The following PPFIA2 variants were observed in gnomAD, a reference collection of about 807,000 sequenced individuals.
The protein encoded by PPFIA2 is PPFI scaffold protein A2, also known as liprin-alpha-2.
PPFIA2 carries 46 observed loss-of-function variants against 175.5 expected under a neutral mutation model. That is an observed-to-expected ratio of 0.26 (90% CI 0.21 to 0.34). The LOEUF (loss-of-function observed/expected upper bound fraction) is 0.34, where lower values mean the gene tolerates loss of function less well. Ranked by LOEUF, PPFIA2 falls within the 10% of genes least tolerant of loss-of-function variation. PPFIA2 has a pLI of 1.00. For missense variants in PPFIA2, 1,179 were observed against 1,506.1 expected, an observed-to-expected ratio of 0.78 and a Z score of 3.60; for synonymous variants, 568 against 511.4, an observed-to-expected ratio of 1.11 and a Z score of -1.49.
chr12:81,523,617 T>C (rs946336929), intron 4 of PPFIA2, among the ~76,000 whole-genome samples: 2 of 152,160 alleles, frequency 1.3e-5, no homozygotes, highest in African/African-American at 4.8e-5. Flanking sequence ...AACCCTCTAA[T>C]AAAATCTTCA....
At chr12:81,512,739 T>C (rs898957449) in intron 4 of PPFIA2, among the ~76,000 whole-genome samples, 3 of 152,046 alleles carry the variant, frequency 2.0e-5, no homozygotes, top group South Asian at 2.1e-4. Flanking sequence ...TTCTTATGCT[T>C]TTACAGCCTC....
At chr12:81,731,117 T>C (rs934165305) in intron 3 of PPFIA2, among the ~76,000 whole-genome samples, 2 of 151,652 alleles carry the variant, frequency 1.3e-5, no homozygotes, top group Non-Finnish European at 3.0e-5. Context: ...CAAGGCTCAG[T>C]TGAAACTCAC....
At chr12:81,669,372 G>A (rs112188752) in intron 4 of PPFIA2, among the ~76,000 whole-genome samples, 2 of 151,812 alleles carry the variant, frequency 1.3e-5, no homozygotes, top group Non-Finnish European at 2.9e-5. Context: ...CATGTAAATC[G>A]TGTGCTCATT....
At chr12:81,732,947 A>G (rs1001715757) in intron 3 of PPFIA2, among the ~76,000 whole-genome samples, 14 of 151,586 alleles carry the variant, frequency 9.2e-5, no homozygotes, top group African/African-American at 3.4e-4. Flanking sequence ...TTCAAAGTAG[A>G]AAATCACCAA....
At chr12:81,738,338 A>G (rs1351996931) in intron 3 of PPFIA2, among the ~76,000 whole-genome samples, 1 of 151,996 alleles carries the variant, frequency 6.6e-6, no homozygotes, top group Admixed American at 6.6e-5. Flanking sequence ...TCATCTGCAG[A>G]CGTACAGTAA....
At chr12:81,444,863 T>C (rs1223740782) in intron 6 of PPFIA2, among the ~76,000 whole-genome samples, 1 of 152,124 alleles carries the variant, frequency 6.6e-6, no homozygotes, top group Admixed American at 6.6e-5. Flanking sequence ...GTCTTTGAAA[T>C]TTCACGAAAT....
At chr12:81,709,532 A>G (rs1317453927) in intron 3 of PPFIA2, among the ~76,000 whole-genome samples, 6 of 152,018 alleles carry the variant, frequency 3.9e-5, no homozygotes. Context: ...ATACACACAC[A>G]CATAGACTCA....
Position 81,509,829 on chromosome 12 carries a change from C to T in PPFIA2, c.304-51963G>A, listed in dbSNP as rs183814629. Among the ~76,000 whole-genome samples the T allele has an allele frequency of 3.3e-5, 5 of 152,226 alleles. No individual in the cohort carries two copies. The East Asian group carries it at 9.7e-4, about 29-fold the overall frequency. Reference sequence around the variant, plus strand: ...CTCCTTTTTCCCTGAATACAAAGGACTCAGCATCATTTTGGTGAGAACTCA... The same window carrying T: ...CTCCTTTTTCCCTGAATACAAAGGATTCAGCATCATTTTGGTGAGAACTCA... On this transcript the variant is annotated intron_variant, in intron 4 of 32. Coordinates refer to ENST00000549396, the MANE Select transcript of PPFIA2 (RefSeq NM_003625.5).
chr12:81,579,913 T>C (rs1451058575), intron 4 of PPFIA2, among the ~76,000 whole-genome samples: 1 of 151,846 alleles, frequency 6.6e-6, no homozygotes, highest in Admixed American at 6.6e-5. Context: ...GGAGGTAGTC[T>C]TGGTAGTCTG....
chr12:81,347,874 ATTC>A (rs1170474629), intron 17 of PPFIA2, 104 bp from the exon 18 acceptor site: 1 of 1,421,698 alleles, frequency 7.0e-7, no homozygotes, highest in East Asian at 2.6e-5. Context: ...AGTAGAAACT[ATTC>A]TTGAACATTT....
intron 4 of PPFIA2, among the ~76,000 whole-genome samples, chr12:81,631,851 G>A (rs527469848): frequency 1.3e-5 from 2 of 152,272 alleles, no homozygotes; most frequent in African/African-American, 4.8e-5. Flanking sequence ...GGTTAGTAAT[G>A]TGTGATGTAG....
At chr12:81,401,387 C>T (rs1328546422) in intron 8 of PPFIA2, among the ~76,000 whole-genome samples, 2 of 152,160 alleles carry the variant, frequency 1.3e-5, no homozygotes, top group South Asian at 2.1e-4. Flanking sequence ...AACTCAGAGT[C>T]AGCGGTGTTA....
At position 81,281,449 on chromosome 12, in the gene PPFIA2, C is replaced by A; in HGVS notation, c.3020G>T (p.Cys1007Phe). Reference protein sequence around the residue: ...KESEEGSWAQCPVFLQTLAYG... With the variant: ...KESEEGSWAQFPVFLQTLAYG... ...AGCCAGGGTCTGTAGAAAAACCGGA[C>A]ACTAGAATTGTTTTATAGCAGTCAA... Residue 1007 changes from cysteine to phenylalanine, a missense_variant and splice_region_variant, in exon 27 of 33, where the codon TGT (cysteine) becomes TTT (phenylalanine). Physicochemically the swap from Cys to Phe is radical, Grantham distance 205 (BLOSUM62 -2). This residue lies in a region of PPFIA2 where 245 missense variants were observed against 375.1 expected (regional missense o/e 0.65). Transcript: ENST00000549396. 1 of 1,594,784 alleles carries A rather than the reference C, an allele frequency of 6.3e-7. No individual in the cohort carries two copies. Among genetic ancestry groups the A allele is most frequent in the Non-Finnish European group, 8.6e-7 (1 of 1,167,222 alleles).
chr12:81,280,733 A>G (rs557105487), intron 27 of PPFIA2, among the ~76,000 whole-genome samples: 3 of 152,280 alleles, frequency 2.0e-5, no homozygotes, highest in East Asian at 3.9e-4. Context: ...TATCTAACAC[A>G]GTATTGTTTT....
chr12:81,461,953 A>G (rs1297137010), intron 4 of PPFIA2, among the ~76,000 whole-genome samples: 2 of 152,000 alleles, frequency 1.3e-5, no homozygotes, highest in East Asian at 3.9e-4. Context: ...CAAGGTTGTT[A>G]GAGTATTTTT....
intron 4 of PPFIA2, among the ~76,000 whole-genome samples, chr12:81,648,913 C>T (rs947612063): frequency 6.6e-6 from 1 of 151,330 alleles, no homozygotes; most frequent in Non-Finnish European, 1.5e-5. Flanking sequence ...AGAAATATAA[C>T]TAGAACAATT....
chr12:81,638,682 CTTTT>C (rs869311003), intron 4 of PPFIA2, among the ~76,000 whole-genome samples: 105 of 72,690 alleles, frequency 1.4e-3, no homozygotes, highest in Admixed American at 1.4e-3. Context: ...CATAAATTTT[CTTTT>C]TTTTTTTTTT....
At chr12:81,340,846 T>G (rs1370110398) in intron 20 of PPFIA2, among the ~76,000 whole-genome samples, 2 of 152,102 alleles carry the variant, frequency 1.3e-5, no homozygotes, top group Non-Finnish European at 2.9e-5. Flanking sequence ...AGAGTTATTC[T>G]TATCTATATT....
chr12:81,284,222 C>CA lies in PPFIA2; in HGVS notation c.2988+18dup. The CA allele has an allele frequency of 6.5e-7, 1 of 1,544,308 alleles. No homozygotes were observed. ...CAAAGTCACTTTCCTTCAGGTTCAA[C>CA]AAAGCCATTAAGACTAACCGTTTTT... is the stretch of plus-strand genomic sequence containing the variant. On this transcript the variant is annotated intron_variant, in intron 25 of 32. Transcript: ENST00000549396.
Sources: gnomAD v4.1 joint callset for allele counts (sites outside exome capture counted in the v4.1 genomes callset) on GRCh38, gnomAD v4.1.1 for gene constraint, gnomAD v4.1.1 regional missense constraint, MANE v1.5 for transcripts, NCBI Gene and HGNC (gene_info 2026-07-23, HGNC 2026-07-21) for gene names.